PAPOLA: variants seen among roughly 807,000 people sequenced by gnomAD.
The protein encoded by PAPOLA is polynucleotide adenylyltransferase alpha.
In PAPOLA, 15 loss-of-function variants were observed where a neutral mutation model predicts 100.6. The observed-to-expected ratio is 0.15, with a 90% CI of 0.10 to 0.23. PAPOLA has a LOEUF of 0.23. Ranked by LOEUF, PAPOLA falls within the 10% of genes least tolerant of loss-of-function variation. The pLI, the probability that PAPOLA is intolerant of heterozygous loss-of-function variation, is 1.00. For synonymous variants in PAPOLA, 293 were observed against 300.0 expected, an observed-to-expected ratio of 0.98 and a Z score of 0.24; for missense variants, 533 against 884.2, an observed-to-expected ratio of 0.60 and a Z score of 5.04.
chr14:96,548,308 G>A (rs1262450097), intron 16 of PAPOLA, among the ~76,000 whole-genome samples: 2 of 152,118 alleles, frequency 1.3e-5, no homozygotes, highest in Non-Finnish European at 2.9e-5. Context: ...TTTAAAAAAT[G>A]AAAGTCGCTT....
At chr14:96,503,188 C>T (rs1316428387) in intron 1 of PAPOLA, among the ~76,000 whole-genome samples, 2 of 152,200 alleles carry the variant, frequency 1.3e-5, no homozygotes, top group African/African-American at 4.8e-5. Flanking sequence ...GCGTTGAGTC[C>T]GCCTGCCTCC....
chr14:96,503,130 A>C (rs1896439120), intron 1 of PAPOLA, among the ~76,000 whole-genome samples: 1 of 151,968 alleles, frequency 6.6e-6, no homozygotes, highest in South Asian at 2.1e-4. Context: ...GCCCCTTTCC[A>C]CTGACCTTGT....
intron 18 of PAPOLA, 82 bp from the exon 19 acceptor site, chr14:96,556,088 GAAATC>G: frequency 8.0e-7 from 1 of 1,254,796 alleles, no homozygotes; most frequent in South Asian, 1.3e-5. Context: ...AGTTATTCAT[GAAATC>G]AAATTCAGAG....
chr14:96,503,263 C>A (rs574284590), intron 1 of PAPOLA, among the ~76,000 whole-genome samples: 2 of 152,346 alleles, frequency 1.3e-5, no homozygotes, highest in African/African-American at 4.8e-5. Flanking sequence ...TGCCCTCCTC[C>A]AAAACGACTT....
chr14:96,557,064 G>C (rs1901400500), intron 19 of PAPOLA, among the ~76,000 whole-genome samples: 1 of 151,786 alleles, frequency 6.6e-6, no homozygotes. Context: ...TTTTTGTTTT[G>C]AGACAGGGGC....
At position 96,535,947 on chromosome 14, in the gene PAPOLA, G is replaced by C; in HGVS notation, c.978G>C (p.Thr326=). The change falls in exon 11 of 22, where the codon ACG becomes ACC. Residue 326 remains threonine, a synonymous_variant. Transcript: ENST00000216277. ...ITPAYPQQNS[T]YNVSVSTRMV... is the part of the protein sequence containing the mutation. ...CAGCATACCCACAACAGAACTCCAC[G>C]TACAATGTGTCCGTTTCAACACGGA... The C allele has an allele frequency of 6.2e-7, 1 of 1,607,996 alleles. No individual in the cohort carries two copies. Among genetic ancestry groups the C allele is most frequent in the Non-Finnish European group, 8.5e-7 (1 of 1,176,766 alleles).
At chr14:96,542,580 G>A (rs1900081714) in intron 13 of PAPOLA, 194 bp from the exon 14 acceptor site, 1 of 570,446 alleles carries the variant, frequency 1.8e-6, no homozygotes, top group Non-Finnish European at 3.0e-6. Context: ...GATAACTTTT[G>A]TAACCTTGCT....
intron 10 of PAPOLA, chr14:96,534,791 A>T (rs1899377111): frequency 7.8e-7 from 1 of 1,283,286 alleles, no homozygotes; most frequent in African/African-American, 1.5e-5. Context: ...TTTTTAATAC[A>T]GATTTTACTA....
chr14:96,537,007 T>C lies in PAPOLA; in HGVS notation c.1062T>C (p.Ser354=), dbSNP rs563551983. The C allele has an allele frequency of 1.2e-6, 2 of 1,609,268 alleles. No homozygotes were observed. The highest frequency in any genetic ancestry group is 1.7e-6 in the Non-Finnish European group (2 of 1,175,718). ...GLAITDEILL[S]KAEWSKLFEA... ...CTATCACAGATGAAATTTTGCTGAG[T>C]AAGGCAGAGTGGTCCAAACTTTTTG... is the stretch of plus-strand genomic sequence containing the variant. Residue 354 remains serine, a synonymous_variant, in exon 12 of 22, where the codon AGT becomes AGC. Coordinates refer to ENST00000216277, the MANE Select transcript of PAPOLA (RefSeq NM_032632.5).
intron 19 of PAPOLA, among the ~76,000 whole-genome samples, chr14:96,558,580 G>A (rs1209755776): frequency 2.0e-5 from 3 of 152,070 alleles, no homozygotes; most frequent in East Asian, 1.9e-4. Context: ...TTAAACTTAA[G>A]TATGGAAAAT....
chr14:96,535,105 C>G (rs1351744259), intron 10 of PAPOLA: 3 of 980,150 alleles, frequency 3.1e-6, no homozygotes, highest in African/African-American at 3.5e-5. Context: ...TGGGAAGTTA[C>G]AACATTTACC....
chr14:96,511,862 AG>A (rs1897129320), intron 1 of PAPOLA, among the ~76,000 whole-genome samples: 1 of 152,268 alleles, frequency 6.6e-6, no homozygotes, highest in Admixed American at 6.5e-5. Flanking sequence ...CAATAAATAA[AG>A]CAATATTTGC....
intron 19 of PAPOLA, among the ~76,000 whole-genome samples, chr14:96,558,601 T>C (rs974758663): frequency 6.6e-6 from 1 of 152,186 alleles, no homozygotes; most frequent in Non-Finnish European, 1.5e-5. Flanking sequence ...TAAAAATACA[T>C]ATAAAAGAGT....
intron 1 of PAPOLA, among the ~76,000 whole-genome samples, chr14:96,510,085 TTC>T (rs1447323017): frequency 5.3e-5 from 8 of 152,042 alleles, no homozygotes; most frequent in Non-Finnish European, 1.2e-4. Context: ...TCTGTTAGAT[TTC>T]TTTCTTCCTC....
At chr14:96,551,562 G>A (rs1228456800) in intron 16 of PAPOLA, among the ~76,000 whole-genome samples, 1 of 152,148 alleles carries the variant, frequency 6.6e-6, no homozygotes, top group Non-Finnish European at 1.5e-5. Context: ...AGCAGAGAAT[G>A]CAGGCACATG....
chr14:96,564,284 T>A (rs1009769251), intron 21 of PAPOLA, among the ~76,000 whole-genome samples: 1 of 152,066 alleles, frequency 6.6e-6, no homozygotes, highest in Non-Finnish European at 1.5e-5. Flanking sequence ...TGGCTTTGAT[T>A]TGATAATTGA....
In PAPOLA at chr14:96,537,441, G is replaced by T. The variant is rs117282696; in HGVS notation, c.1115+381G>T. ...AATTCTGGAAACTCATTAATTGCTAGGAATCTTTAAAACAAAGACAAAGCT... is the reference window on the plus strand; with the variant it reads ...AATTCTGGAAACTCATTAATTGCTATGAATCTTTAAAACAAAGACAAAGCT... On this transcript the variant is annotated intron_variant, in intron 12 of 21. Transcript: ENST00000216277. 778 of 165,232 alleles carry T rather than the reference G, an allele frequency of 4.7e-3. 4 individuals carry two copies. Among genetic ancestry groups the T allele is most frequent in the Middle Eastern group, 0.018 (6 of 334 alleles). The allele number at this position is 165,232 out of a possible 1,614,324, so 10.2% of individuals were successfully genotyped here. A position where few individuals can be genotyped will look rare whatever the true frequency, so the allele number is the denominator to read the frequency against.
At chr14:96,556,831 G>A (rs2140329670) in intron 19 of PAPOLA, among the ~76,000 whole-genome samples, 1 of 152,226 alleles carries the variant, frequency 6.6e-6, no homozygotes, top group Middle Eastern at 3.4e-3. Context: ...GGTGTTATAG[G>A]ACCATCAAAT....
chr14:96,520,052 T>C lies in PAPOLA; in HGVS notation c.9-3T>C, dbSNP rs1595510105. The C allele has an allele frequency of 4.4e-6, 7 of 1,593,060 alleles. No homozygotes were observed. Among genetic ancestry groups the C allele is most frequent in the African/African-American group, 2.7e-5 (2 of 74,106 alleles). ...CAGTAATTGTATCCAATTTTGTTTATAGTCCAGTTACAACACAGGGATCAC... is the reference window on the plus strand; with the variant it reads ...CAGTAATTGTATCCAATTTTGTTTACAGTCCAGTTACAACACAGGGATCAC... On this transcript the variant is annotated splice_region_variant and splice_polypyrimidine_tract_variant and intron_variant, in intron 1 of 21. Coordinates refer to ENST00000216277, the MANE Select transcript of PAPOLA (RefSeq NM_032632.5).
Sources: allele counts gnomAD v4.1 joint callset (sites outside exome capture counted in the v4.1 genomes callset), GRCh38; gene constraint gnomAD v4.1.1; transcripts MANE v1.5; gene names NCBI Gene and HGNC (gene_info 2026-07-23, HGNC 2026-07-21).